TBC1D8: variants seen among roughly 807,000 people sequenced by gnomAD.
TBC1D8 encodes BUB2-like protein 1.
A neutral mutation model predicts 118.8 loss-of-function variants in TBC1D8; 65 were observed. The ratio of observed to expected loss-of-function variants is 0.55; its 90% CI spans 0.45 to 0.67. The LOEUF (loss-of-function observed/expected upper bound fraction) is 0.67. Ranked by LOEUF, TBC1D8 falls within the 30% of genes least tolerant of loss-of-function variation. TBC1D8 has a pLI of 0.00. For missense variants in TBC1D8, 1,376 were observed against 1,471.2 expected, an observed-to-expected ratio of 0.94 and a Z score of 1.06; for synonymous variants, 566 against 595.8, an observed-to-expected ratio of 0.95 and a Z score of 0.73.
At chr2:101,082,096 A>G (rs1558684865) in intron 2 of TBC1D8, among the ~76,000 whole-genome samples, 1 of 152,216 alleles carries the variant, frequency 6.6e-6, no homozygotes, top group African/African-American at 2.4e-5. Context: ...CCAGTATCAC[A>G]CCATTGCACT....
At chr2:101,062,773 C>G (rs1558666090) in intron 2 of TBC1D8, among the ~76,000 whole-genome samples, 1 of 152,178 alleles carries the variant, frequency 6.6e-6, no homozygotes, top group Non-Finnish European at 1.5e-5. Flanking sequence ...TCCCAAATAG[C>G]TGGGACCACA....
chr2:101,063,888 A>C (rs1489964316), intron 2 of TBC1D8, among the ~76,000 whole-genome samples: 1 of 152,218 alleles, frequency 6.6e-6, no homozygotes, highest in East Asian at 1.9e-4. Context: ...GCCAAAAAAA[A>C]AACTGAAAGC....
chr2:101,109,690 T>A (rs1410357536), intron 1 of TBC1D8: 1 of 598,362 alleles, frequency 1.7e-6, no homozygotes, highest in African/African-American at 2.0e-5. Flanking sequence ...GCAGATGGGA[T>A]GAAGCAGCTG....
intron 2 of TBC1D8, among the ~76,000 whole-genome samples, chr2:101,087,424 G>A (rs1482681062): frequency 2.0e-5 from 3 of 152,054 alleles, no homozygotes; most frequent in Middle Eastern, 3.4e-3. Flanking sequence ...ATCACCTGAG[G>A]TCAGGAGTTT....
intron 1 of TBC1D8, among the ~76,000 whole-genome samples, chr2:101,111,917 A>T (rs370863912): frequency 0.014 from 62 of 4,382 alleles, 2 homozygotes; most frequent in South Asian, 0.1. Context: ...CCATAGTTTT[A>T]AAAAAAAAAA....
At chr2:101,044,892 G>A (rs995153312) in intron 5 of TBC1D8, among the ~76,000 whole-genome samples, 1 of 152,120 alleles carries the variant, frequency 6.6e-6, no homozygotes, top group Non-Finnish European at 1.5e-5. Context: ...GGGATTACAG[G>A]TGCCCACCAC....
intron 2 of TBC1D8, chr2:101,068,601 A>C: frequency 1.8e-6 from 1 of 550,306 alleles, no homozygotes; most frequent in Non-Finnish European, 3.3e-6. Flanking sequence ...CAAGCAGCAC[A>C]GGATACAATT....
At chr2:101,142,937 C>A (rs1280056171) in intron 1 of TBC1D8, among the ~76,000 whole-genome samples, 2 of 152,108 alleles carry the variant, frequency 1.3e-5, no homozygotes, top group African/African-American at 4.8e-5. Flanking sequence ...CTACAACTTA[C>A]CTTAAATACT....
rs1426712779 is a variant in TBC1D8, at chr2:101,007,448, C to T, written c.*373G>A. On this transcript the variant is annotated 3_prime_UTR_variant, in exon 20 of 20. Transcript: ENST00000409318. The stretch of plus-strand genomic sequence containing the variant: ...AAAGTGAACTTGATTCCTGACCTCT[C>T]CCATTGTCACTCCAAGTGAAAAATG... Among the ~76,000 whole-genome samples the T allele has an allele frequency of 6.6e-6, 1 of 152,172 alleles. No homozygotes were observed. Among genetic ancestry groups the T allele is most frequent in the Non-Finnish European group, 1.5e-5 (1 of 68,028 alleles).
chr2:101,083,866 G>A (rs918166971), intron 2 of TBC1D8, among the ~76,000 whole-genome samples: 9 of 152,180 alleles, frequency 5.9e-5, no homozygotes, highest in Non-Finnish European at 1.2e-4. Context: ...ACTACGGTGA[G>A]TCAATAACAC....
chr2:101,147,312 T>C (rs1401055546), intron 1 of TBC1D8, among the ~76,000 whole-genome samples: 2 of 152,190 alleles, frequency 1.3e-5, no homozygotes, highest in Admixed American at 1.3e-4. Context: ...ACTGATTTCA[T>C]TTCCTTCGAA....
At chr2:101,130,541 C>T (rs894314915) in intron 1 of TBC1D8, among the ~76,000 whole-genome samples, 1 of 152,236 alleles carries the variant, frequency 6.6e-6, no homozygotes, top group Non-Finnish European at 1.5e-5. Flanking sequence ...GCCCTAACCC[C>T]CTTGACTAGA....
At chr2:101,097,790 C>T (rs575845582) in intron 1 of TBC1D8, among the ~76,000 whole-genome samples, 2 of 152,264 alleles carry the variant, frequency 1.3e-5, no homozygotes, top group East Asian at 1.9e-4. Context: ...ACTGCATTAG[C>T]CCAAGAGTTT....
chr2:101,016,308 A>C (rs1226781107), intron 17 of TBC1D8, among the ~76,000 whole-genome samples: 2 of 152,076 alleles, frequency 1.3e-5, no homozygotes, highest in Admixed American at 1.3e-4. Flanking sequence ...ATGCAGCCAA[A>C]AGACACATGA....
intron 2 of TBC1D8, among the ~76,000 whole-genome samples, chr2:101,070,834 C>T (rs1216174018): frequency 6.6e-6 from 1 of 152,162 alleles, no homozygotes; most frequent in Non-Finnish European, 1.5e-5. Flanking sequence ...CAAACAATTA[C>T]AAACCTAAAA....
chr2:101,144,259 T>A (rs913956401), intron 1 of TBC1D8, among the ~76,000 whole-genome samples: 7 of 152,150 alleles, frequency 4.6e-5, no homozygotes, highest in Admixed American at 1.3e-4. Context: ...CAGGATCTGG[T>A]TCACCCTAAA....
intron 4 of TBC1D8, among the ~76,000 whole-genome samples, chr2:101,052,180 G>C (rs1318221192): frequency 6.6e-6 from 1 of 152,224 alleles, no homozygotes; most frequent in Non-Finnish European, 1.5e-5. Context: ...CTCGTTCAGA[G>C]AAATGGACTT....
rs952883467 is a variant in TBC1D8 at position 101,007,434 on chromosome 2, G to C, written c.*387C>G. ...TCCCTTAGATCTTGAAAGTGAACTT[G>C]ATTCCTGACCTCTCCCATTGTCACT... On this transcript the variant is annotated 3_prime_UTR_variant, in exon 20 of 20. Coordinates refer to ENST00000409318, the MANE Select transcript of TBC1D8 (RefSeq NM_001330348.2). Among the ~76,000 whole-genome samples, 7 of 152,180 alleles carry C rather than the reference G, an allele frequency of 4.6e-5. No homozygotes were observed. The highest frequency in any genetic ancestry group is 7.3e-5 in the Non-Finnish European group (5 of 68,038).
At chr2:101,147,283 G>A (rs576924211) in intron 1 of TBC1D8, among the ~76,000 whole-genome samples, 16 of 152,264 alleles carry the variant, frequency 1.1e-4, no homozygotes, top group African/African-American at 3.4e-4. Context: ...ATACAGGAAC[G>A]CAGGTATCTC....
Sources: gnomAD v4.1 joint callset for allele counts (sites outside exome capture counted in the v4.1 genomes callset) on GRCh38, gnomAD v4.1.1 for gene constraint, MANE v1.5 for transcripts, NCBI Gene and HGNC (gene_info 2026-07-23, HGNC 2026-07-21) for gene names.